Variants in TRPM1 observed in about 807,000 individuals in gnomAD.
TRPM1 encodes the protein transient receptor potential cation channel subfamily M member 1, also known as TRPM1-203 APA Isoform, Intron 10.
A neutral mutation model predicts 149.4 loss-of-function variants in TRPM1; 113 were observed. That is an observed-to-expected ratio of 0.76 (90% CI 0.65 to 0.88). TRPM1 has a LOEUF of 0.88. Among genes scored for constraint, TRPM1 ranks in the 40% least tolerant of loss-of-function variants. TRPM1 has a pLI of 0.00. For synonymous variants in TRPM1, 741 were observed against 759.5 expected (o/e 0.98, Z 0.40); for missense variants, 1,976 against 2,038.7 (o/e 0.97, Z 0.59).
At chr15:31,100,086 C>CTTT (rs1157034431) in intron 1 of TRPM1, among the ~76,000 whole-genome samples, 3 of 144,670 alleles carry the variant, frequency 2.1e-5, no homozygotes, top group Non-Finnish European at 4.5e-5. Flanking sequence ...TTCTTTCCTT[C>CTTT]TTTTTTTTTT....
At chr15:31,044,871 AG>A (rs567224403) in intron 16 of TRPM1, among the ~76,000 whole-genome samples, 117 of 152,218 alleles carry the variant, frequency 7.7e-4, no homozygotes, top group African/African-American at 2.7e-3. Context: ...ACTATGTAAA[AG>A]TTTATTCCAG....
rs74010762 is a variant in TRPM1, at chr15:31,070,076, A to G, written c.234T>C (p.Tyr78=). The G allele has an allele frequency of 4.5e-3, 7,240 of 1,614,156 alleles. 300 individuals carry two copies. The African/African-American group carries it at 0.085, about 19-fold the overall frequency. The change falls in exon 4 of 28, where the codon TAT becomes TAC. Residue 78 remains tyrosine, a synonymous_variant. Coordinates refer to ENST00000256552, the MANE Select transcript of TRPM1 (RefSeq NM_001252024.2). ...KHTQSYPTDS[Y]GVLEFQGGGY... is the part of the protein sequence containing the mutation. ...CGCCACCCTGGAATTCAAGAACTCCATAGGAATCTGTTGGGTAGCTCTGGG... is the reference window on the plus strand; with the variant it reads ...CGCCACCCTGGAATTCAAGAACTCCGTAGGAATCTGTTGGGTAGCTCTGGG...
exon 1 of TRPM1, chr15:31,160,973 C>T (rs146158610): frequency 6.5e-7 from 1 of 1,535,476 alleles, no homozygotes. Flanking sequence ...TCTCAGTGAG[C>T]CTGTGAGCCA....
rs975201608 is a variant in TRPM1 at position 31,037,608 on chromosome 15, G to T, written c.2571+103C>A. 4.0e-6 allele frequency: 6 copies of T among 1,502,720 alleles called. No homozygotes were observed. In the Admixed American group the frequency reaches 5.1e-5, roughly 13 times the overall value. 93.1% of individuals were successfully genotyped at this position (1,502,720 alleles called of 1,614,324 possible). A position where few individuals can be genotyped will look rare whatever the true frequency, so the allele number is the denominator to read the frequency against. ...TTCTCATAATTCATTTTAATTCAGT[G>T]AATTTTTAGATACTTTTTTAAGCCC... On this transcript the variant is annotated intron_variant, in intron 20 of 27. Coordinates refer to ENST00000256552, the MANE Select transcript of TRPM1 (RefSeq NM_001252024.2).
At chr15:31,034,332 C>T (rs1189961320) in intron 21 of TRPM1, among the ~76,000 whole-genome samples, 2 of 152,236 alleles carry the variant, frequency 1.3e-5, no homozygotes, top group African/African-American at 2.4e-5. Context: ...CCTGTTCCCT[C>T]TGTTTGCAGC....
In TRPM1 at chr15:31,145,856, T is replaced by C. The variant is rs569457283; in HGVS notation, c.54+15050A>G. ...AGTCTTTTGGCTTACCTGGGCCACA[T>C]TGGAAGAAGAAGAATTGTCTTGCAC... On this transcript the variant is annotated intron_variant, in intron 1 of 26. Transcript: ENST00000542188. Among the ~76,000 whole-genome samples the C allele has an allele frequency of 3.9e-5, 6 of 152,076 alleles. No homozygotes were observed. In the East Asian group the frequency reaches 5.8e-4, roughly 15 times the overall value.
At chr15:31,093,983 A>G (rs561918144) in intron 1 of TRPM1, among the ~76,000 whole-genome samples, 1 of 152,366 alleles carries the variant, frequency 6.6e-6, no homozygotes, top group South Asian at 2.1e-4. Flanking sequence ...CAGTAATCAA[A>G]GAAGTATGGT....
At chr15:31,070,251 C>G in intron 3 of TRPM1, 25 bp from the exon 4 acceptor site, 1 of 1,594,656 alleles carries the variant, frequency 6.3e-7, no homozygotes, top group Non-Finnish European at 8.6e-7. Context: ...AAAGCAGGGT[C>G]TTTCTACAAC....
At chr15:31,148,345 C>G (rs1217358924) in intron 1 of TRPM1, among the ~76,000 whole-genome samples, 1 of 152,194 alleles carries the variant, frequency 6.6e-6, no homozygotes, top group African/African-American at 2.4e-5. Context: ...CACCCTCCAG[C>G]TCCAAAGGGG....
Position 31,040,498 on chromosome 15 carries a change from G to T in TRPM1, c.2088-152C>A. On this transcript the variant is annotated intron_variant, in intron 17 of 27. Transcript: ENST00000256552. This position sits in a 1 kb window ranked among gnomAD's most constrained non-coding sequence, Gnocchi z 4.2. The stretch of plus-strand genomic sequence containing the variant: ...TTCTCTGCAAGCAAGAAGCTCCAGG[G>T]ATGTGTCCCCAAAGGGGGAAGGCCA... 1.4e-6 allele frequency: 1 copy of T among 720,636 alleles called. No homozygotes were observed. 44.6% of individuals were successfully genotyped at this position (720,636 alleles called of 1,614,324 possible). A position where few individuals can be genotyped will look rare whatever the true frequency, so the allele number is the denominator to read the frequency against.
chr15:31,075,929 A>G (rs1405802582), intron 3 of TRPM1, among the ~76,000 whole-genome samples: 3 of 151,378 alleles, frequency 2.0e-5, no homozygotes, highest in Non-Finnish European at 4.4e-5. Context: ...GAGTGCATCA[A>G]GGAGGCTTGT....
intron 1 of TRPM1, among the ~76,000 whole-genome samples, chr15:31,100,865 C>T (rs143272186): frequency 2.6e-5 from 4 of 152,300 alleles, no homozygotes; most frequent in East Asian, 1.9e-4. Context: ...CTGTGCTTCC[C>T]GGTAGCACAC....
At chr15:31,141,670 C>T (rs994623106) in intron 1 of TRPM1, among the ~76,000 whole-genome samples, 6 of 151,942 alleles carry the variant, frequency 3.9e-5, no homozygotes, top group Admixed American at 3.9e-4. Flanking sequence ...ATATTTTTGT[C>T]TTTAGGTAGA....
intron 20 of TRPM1, 87 bp from the exon 21 acceptor site, chr15:31,035,761 A>T: frequency 6.3e-7 from 1 of 1,576,854 alleles, no homozygotes; most frequent in South Asian, 1.1e-5. Context: ...AGGTTGACAC[A>T]TCTAAAAGAA....
chr15:31,060,166 G>A (rs1040699806), intron 11 of TRPM1: 2 of 328,178 alleles, frequency 6.1e-6, no homozygotes, highest in African/African-American at 4.6e-5. Flanking sequence ...CACACACAGA[G>A]TTCTCTAGGC....
chr15:31,002,523 A>C lies in TRPM1; in HGVS notation c.4177T>G (p.Ser1393Ala), dbSNP rs1009956094. The change falls in exon 28 of 28, where the codon TCT becomes GCT. Residue 1393 changes from serine (S) to alanine (A), a missense_variant. By Grantham distance (99) the Ser-to-Ala change is moderately conservative (BLOSUM62 1). This residue lies in a region of TRPM1 where 572 missense variants were observed against 578.9 expected (regional missense o/e 0.99). Transcript: ENST00000256552. ...SKEDDERQTD[S>A]KKEETISPSL... ...GGGGAAATAGTTTCTTCTTTTTTAG[A>C]GTCTGTCTGTCTTTCATCATCTTCC... is the stretch of plus-strand genomic sequence containing the variant. 1.9e-6 allele frequency: 3 copies of C among 1,613,922 alleles called. No individual in the cohort carries two copies. The East Asian group carries it at 6.7e-5, about 36-fold the overall frequency.
At chr15:31,069,751 G>A in intron 4 of TRPM1, 1 of 1,440,890 alleles carries the variant, frequency 6.9e-7, no homozygotes, top group Admixed American at 2.8e-5. Context: ...ATGGAGCAAT[G>A]GAGTGTGTTT....
chr15:31,075,617 G>A (rs1183551521), intron 3 of TRPM1, among the ~76,000 whole-genome samples: 1 of 152,144 alleles, frequency 6.6e-6, no homozygotes, highest in African/African-American at 2.4e-5. Context: ...GAGAAATGCT[G>A]AAATCCTGCT....
chr15:31,073,048 C>T (rs2140972134), intron 3 of TRPM1, among the ~76,000 whole-genome samples: 1 of 152,088 alleles, frequency 6.6e-6, no homozygotes, highest in African/African-American at 2.4e-5. Context: ...TTTTTGTTGT[C>T]CATGTTTTTG....
Sources: gnomAD v4.1 joint callset for allele counts (sites outside exome capture counted in the v4.1 genomes callset) on GRCh38, gnomAD v4.1.1 for gene constraint, gnomAD v4.1.1 regional missense constraint, Gnocchi (gnomAD v3.1) non-coding constraint, MANE v1.5 for transcripts, NCBI Gene and HGNC (gene_info 2026-07-23, HGNC 2026-07-21) for gene names.